Variants in DOCK3 observed in about 807,000 individuals in gnomAD.
DOCK3 encodes dedicator of cytokinesis protein 3.
DOCK3 carries 60 observed loss-of-function variants against 265.6 expected under a neutral mutation model. The observed-to-expected ratio is 0.23, with a 90% CI of 0.18 to 0.28. DOCK3 has a LOEUF of 0.28. DOCK3 is among the 10% of genes least tolerant of loss of function. The pLI, the probability that DOCK3 is intolerant of heterozygous loss-of-function variation, is 1.00. For missense variants in DOCK3, 1,981 were observed against 2,594.3 expected (o/e 0.76, Z 5.14); for synonymous variants, 881 against 938.0 (o/e 0.94, Z 1.11).
At chr3:50,776,458 C>T (rs546178627) in intron 1 of DOCK3, among the ~76,000 whole-genome samples, 103 of 150,726 alleles carry the variant, frequency 6.8e-4, no homozygotes, top group Non-Finnish European at 8.1e-4. Flanking sequence ...GATTTGAGTT[C>T]CTTGTAGATT....
chr3:51,254,438 C>G lies in DOCK3; in HGVS notation c.2185-5718C>G, dbSNP rs535170967. 2.6e-5 allele frequency among the ~76,000 whole-genome samples: 4 copies of G among 152,084 alleles called. No homozygotes were observed. In the South Asian group the frequency reaches 8.3e-4, roughly 32 times the overall value. ...GGATATCCTTGTTAACTTTATGTCT[C>G]GTTGATCTGTCTAATGTTGACAGTG... On this transcript the variant is annotated intron_variant, in intron 22 of 52. Transcript: ENST00000266037.
chr3:50,697,178 G>A (rs1375947476), intron 1 of DOCK3, among the ~76,000 whole-genome samples: 8 of 151,618 alleles, frequency 5.3e-5, no homozygotes, highest in Admixed American at 3.9e-4. Flanking sequence ...TGATCCACCC[G>A]CCTCAGCCTC....
At chr3:51,225,435 C>T (rs922188476) in intron 14 of DOCK3, among the ~76,000 whole-genome samples, 3 of 152,140 alleles carry the variant, frequency 2.0e-5, no homozygotes, top group Non-Finnish European at 4.4e-5. Context: ...GTGTGGTGAA[C>T]ATCTTTAGAA....
intron 12 of DOCK3, among the ~76,000 whole-genome samples, chr3:51,173,481 G>C (rs1003583103): frequency 3.3e-5 from 5 of 152,166 alleles, no homozygotes; most frequent in Non-Finnish European, 7.3e-5. Flanking sequence ...ATTTCAGCTT[G>C]AAGAACTCCC....
At chr3:51,091,868 A>C (rs997753223) in intron 9 of DOCK3, among the ~76,000 whole-genome samples, 2 of 152,072 alleles carry the variant, frequency 1.3e-5, no homozygotes, top group African/African-American at 4.8e-5. Context: ...AAGCCGAAGC[A>C]GGGTGGCGCA....
chr3:51,072,009 C>T (rs909536061), intron 6 of DOCK3, among the ~76,000 whole-genome samples: 4 of 152,166 alleles, frequency 2.6e-5, no homozygotes, highest in Non-Finnish European at 5.9e-5. Context: ...TAATTATTCT[C>T]TTATTTCTCA....
chr3:51,202,054 C>T (rs1047581249), intron 12 of DOCK3, among the ~76,000 whole-genome samples: 2 of 152,008 alleles, frequency 1.3e-5, no homozygotes, highest in African/African-American at 2.4e-5. Flanking sequence ...GCATTCAATG[C>T]CCACAAAAGA....
chr3:51,043,249 T>C (rs1375659404), intron 5 of DOCK3, among the ~76,000 whole-genome samples: 1 of 152,022 alleles, frequency 6.6e-6, no homozygotes. Flanking sequence ...CACAGACCAA[T>C]GGAACAGAAC....
intron 12 of DOCK3, among the ~76,000 whole-genome samples, chr3:51,196,593 T>C (rs1181168357): frequency 1.3e-5 from 2 of 152,224 alleles, no homozygotes; most frequent in Non-Finnish European, 2.9e-5. Flanking sequence ...CCTTTTTCTT[T>C]ATTTTTGTCT....
chr3:50,754,157 CAAAAAA>C (rs71084110), intron 1 of DOCK3, among the ~76,000 whole-genome samples: 3 of 61,576 alleles, frequency 4.9e-5, no homozygotes, highest in East Asian at 1.5e-3. Flanking sequence ...GACTCTGTCT[CAAAAAA>C]AAAAAAAAAA....
At chr3:50,718,843 G>T (rs2107995353) in intron 1 of DOCK3, among the ~76,000 whole-genome samples, 1 of 138,050 alleles carries the variant, frequency 7.2e-6, no homozygotes, top group Admixed American at 8.1e-5. Flanking sequence ...AGAGTGCAGT[G>T]GCACGATCTC....
At chr3:51,083,304 C>G (rs2082306365) in intron 7 of DOCK3, among the ~76,000 whole-genome samples, 1 of 152,130 alleles carries the variant, frequency 6.6e-6, no homozygotes, top group Admixed American at 6.5e-5. Context: ...AAGTCTTTCC[C>G]TATGTAAACC....
chr3:50,929,657 A>G (rs1015168134), intron 4 of DOCK3, among the ~76,000 whole-genome samples: 6 of 152,148 alleles, frequency 3.9e-5, no homozygotes, highest in African/African-American at 1.4e-4. Flanking sequence ...TTCTGTTGCT[A>G]CTACGCTGAG....
intron 5 of DOCK3, among the ~76,000 whole-genome samples, chr3:51,053,082 T>TAG (rs1559993977): frequency 2.4e-5 from 1 of 42,106 alleles, no homozygotes; most frequent in African/African-American, 9.7e-5. Flanking sequence ...GTCAAAGATA[T>TAG]ATATATATAT....
chr3:50,913,716 G>T (rs555026755), intron 4 of DOCK3, among the ~76,000 whole-genome samples: 2 of 152,134 alleles, frequency 1.3e-5, no homozygotes, highest in South Asian at 4.2e-4. Context: ...TGTTGTTTTT[G>T]TGCTATAACA....
At chr3:50,716,194 C>T (rs1440084994) in intron 1 of DOCK3, among the ~76,000 whole-genome samples, 1 of 152,038 alleles carries the variant, frequency 6.6e-6, no homozygotes, top group Middle Eastern at 3.4e-3. Flanking sequence ...GTTCCTTGCT[C>T]TCTGCTTTGT....
intron 1 of DOCK3, among the ~76,000 whole-genome samples, chr3:50,713,796 CT>C (rs1183300920): frequency 6.6e-6 from 1 of 151,798 alleles, no homozygotes. Context: ...CCAGTCTGTT[CT>C]TGTTTTAGTA....
intron 1 of DOCK3, among the ~76,000 whole-genome samples, chr3:50,713,709 A>C (rs952547337): frequency 1.3e-5 from 2 of 151,748 alleles, no homozygotes; most frequent in Non-Finnish European, 2.9e-5. Context: ...TCACATACTT[A>C]CTAGATTTCG....
chr3:51,220,723 A>C (rs942304153), intron 14 of DOCK3, among the ~76,000 whole-genome samples: 1 of 145,658 alleles, frequency 6.9e-6, no homozygotes. Context: ...ATATATATAT[A>C]TATATATATA....
Sources: gnomAD v4.1 joint callset for allele counts (sites outside exome capture counted in the v4.1 genomes callset) on GRCh38, gnomAD v4.1.1 for gene constraint, MANE v1.5 for transcripts, NCBI Gene and HGNC (gene_info 2026-07-23, HGNC 2026-07-21) for gene names.